The following GTF3C3 variants were observed in gnomAD, a reference collection of about 807,000 sequenced individuals.
The protein encoded by GTF3C3 is general transcription factor IIIC subunit 3.
Under a neutral mutation model 105.2 loss-of-function variants are expected in GTF3C3, and 75 were observed. The observed-to-expected ratio is 0.71, with a 90% CI of 0.59 to 0.86. GTF3C3 has a LOEUF of 0.86. Among genes scored for constraint, GTF3C3 ranks in the 40% least tolerant of loss-of-function variants. The pLI, the probability that GTF3C3 is intolerant of heterozygous loss-of-function variation, is 0.00. For synonymous variants in GTF3C3, 335 were observed against 370.4 expected (o/e 0.90, Z 1.10); for missense variants, 856 against 1,076.5 (o/e 0.80, Z 2.87).
At chr2:196,775,977 A>C (rs758100952) in intron 12 of GTF3C3, 33 bp downstream of exon 12, 1 of 984,136 alleles carries the variant, frequency 1.0e-6, no homozygotes, top group Non-Finnish European at 1.5e-6. Context: ...TAAAAAGTCA[A>C]CAAGGCTAAC....
rs749259675 is a variant in GTF3C3 at position 196,793,154 on chromosome 2, T to C, written c.215-2A>G. 1.9e-6 allele frequency: 3 copies of C among 1,593,320 alleles called. No homozygotes were observed. Among genetic ancestry groups the C allele is most frequent in the South Asian group, 2.3e-5 (2 of 88,742 alleles). ...TCCTCACTCCATCTGATGTTTCTCC[T>C]GAGAAAAGAGACATTGATGGGGGAG... On this transcript the variant is annotated splice_acceptor_variant, in intron 2 of 17. Transcript: ENST00000263956. LOFTEE classifies it high-confidence loss of function.
At chr2:196,768,261 C>T (rs1285364493) in intron 16 of GTF3C3, among the ~76,000 whole-genome samples, 1 of 152,162 alleles carries the variant, frequency 6.6e-6, no homozygotes, top group African/African-American at 2.4e-5. Context: ...TCAAGTGATC[C>T]ACCCGCCTCG....
chr2:196,789,317 A>C lies in GTF3C3; in HGVS notation c.780T>G (p.Leu260=), dbSNP rs1187943076. 6.2e-7 allele frequency: 1 copy of C among 1,613,106 alleles called. No individual in the cohort carries two copies. Among genetic ancestry groups the C allele is most frequent in the Non-Finnish European group, 8.5e-7 (1 of 1,179,578 alleles). ...NVRYLWERSS[L]YEQMGDHKMA... is the part of the protein sequence containing the mutation. ...TTTTATGATCACCCATCTGTTCATA[A>C]AGGCTTGATCGCTCCCACAGATAAC... is the stretch of plus-strand genomic sequence containing the variant. The change falls in exon 6 of 18, where the codon CTT becomes CTG. Residue 260 remains leucine, a synonymous_variant. Coordinates refer to ENST00000263956, the MANE Select transcript of GTF3C3 (RefSeq NM_012086.5).
At chr2:196,765,684 T>C (rs1439628586) in intron 17 of GTF3C3, among the ~76,000 whole-genome samples, 1 of 151,246 alleles carries the variant, frequency 6.6e-6, no homozygotes, top group Non-Finnish European at 1.5e-5. Flanking sequence ...CACTATAAAA[T>C]ATATATTCAT....
intron 12 of GTF3C3, 28 bp downstream of exon 12, chr2:196,775,982 G>C (rs1182156542): frequency 2.9e-6 from 3 of 1,019,258 alleles, no homozygotes; most frequent in Non-Finnish European, 4.4e-6. Context: ...AGTCAACAAG[G>C]CTAACATAAA....
rs1699584890 is a variant in GTF3C3 at position 196,793,259 on chromosome 2, G to A, written c.215-107C>T. 3 of 747,986 alleles carry A rather than the reference G, an allele frequency of 4.0e-6. No individual in the cohort carries two copies. The African/African-American group carries it at 5.3e-5, about 13-fold the overall frequency. The allele number at this position is 747,986 out of a possible 1,614,324, so 46.3% of individuals were successfully genotyped here. A position where few individuals can be genotyped will look rare whatever the true frequency, so the allele number is the denominator to read the frequency against. On this transcript the variant is annotated intron_variant, in intron 2 of 17. Coordinates refer to ENST00000263956, the MANE Select transcript of GTF3C3 (RefSeq NM_012086.5). Reference sequence around the variant, plus strand: ...TTTTTACCCCAGTAACACCAAATTTGAAAGTAAAAAATAGCAAATGAACAC... The same window carrying A: ...TTTTTACCCCAGTAACACCAAATTTAAAAGTAAAAAATAGCAAATGAACAC...
chr2:196,765,148 C>G (rs911538648), intron 17 of GTF3C3, among the ~76,000 whole-genome samples: 9 of 152,012 alleles, frequency 5.9e-5, no homozygotes, highest in African/African-American at 2.2e-4. Flanking sequence ...TATGCTATCA[C>G]GGAAAGGCAT....
rs1050975151 is a variant in GTF3C3 at position 196,763,946 on chromosome 2, A to G, written c.*617T>C. 2.0e-5 allele frequency: 3 copies of G among 152,196 alleles called. No homozygotes were observed. The highest frequency in any genetic ancestry group is 7.2e-5 in the African/African-American group (3 of 41,444). 9.4% of individuals were successfully genotyped at this position (152,196 alleles called of 1,614,324 possible). A position where few individuals can be genotyped will look rare whatever the true frequency, so the allele number is the denominator to read the frequency against. On this transcript the variant is annotated 3_prime_UTR_variant, in exon 18 of 18. Coordinates refer to ENST00000263956, the MANE Select transcript of GTF3C3 (RefSeq NM_012086.5). ...ATTTTTTCATCAGAAAGCCACAAAT[A>G]TAGATAAAGCATTTTTTTATTTGCC...
At chr2:196,799,274 T>C (rs1047487748) in intron 1 of GTF3C3, 111 of 477,720 alleles carry the variant, frequency 2.3e-4, no homozygotes, top group Middle Eastern at 1.1e-3. Flanking sequence ...AAACGTAGTA[T>C]TGGGGGAAAA....
At chr2:196,799,480 G>C in intron 1 of GTF3C3, 30 bp downstream of exon 1, 1 of 1,541,196 alleles carries the variant, frequency 6.5e-7, no homozygotes, top group Non-Finnish European at 9.0e-7. Context: ...CAACAAGAGT[G>C]AAGGGCACCG....
intron 13 of GTF3C3, chr2:196,773,563 G>T (rs1699213252): frequency 3.0e-6 from 1 of 334,238 alleles, no homozygotes; most frequent in Non-Finnish European, 6.2e-6. Flanking sequence ...CATGGGCCAG[G>T]GCTAAGAAGG....
intron 4 of GTF3C3, among the ~76,000 whole-genome samples, chr2:196,790,625 A>C (rs1367638734): frequency 1.3e-5 from 2 of 152,246 alleles, no homozygotes; most frequent in Non-Finnish European, 2.9e-5. Flanking sequence ...TAAAGGAACA[A>C]ATAATATTGG....
At chr2:196,793,513 T>G (rs1236883342) in intron 2 of GTF3C3, among the ~76,000 whole-genome samples, 2 of 152,048 alleles carry the variant, frequency 1.3e-5, no homozygotes, top group African/African-American at 4.8e-5. Flanking sequence ...ACGATAGTGG[T>G]TAAAAGTGAG....
At chr2:196,768,633 G>C (rs1699114941) in intron 16 of GTF3C3, among the ~76,000 whole-genome samples, 1 of 152,084 alleles carries the variant, frequency 6.6e-6, no homozygotes, top group Non-Finnish European at 1.5e-5. Flanking sequence ...CTGCTTCTCA[G>C]AAACTTTTTT....
intron 16 of GTF3C3, among the ~76,000 whole-genome samples, chr2:196,769,078 A>G (rs550227271): frequency 3.3e-5 from 5 of 152,312 alleles, no homozygotes; most frequent in African/African-American, 1.2e-4. Flanking sequence ...GGAAAAATTT[A>G]GAAGTTTTTG....
chr2:196,777,600 C>A (rs1699281239), intron 10 of GTF3C3: 1 of 152,176 alleles, frequency 6.6e-6, no homozygotes, highest in Non-Finnish European at 1.5e-5. Context: ...AAAGGAAGAA[C>A]ATTAATATGG....
At chr2:196,795,640 C>T (rs1459718972) in intron 2 of GTF3C3, among the ~76,000 whole-genome samples, 1 of 152,108 alleles carries the variant, frequency 6.6e-6, no homozygotes. Context: ...TCTTAGTCAA[C>T]TAAAAATGAA....
intron 8 of GTF3C3, among the ~76,000 whole-genome samples, chr2:196,783,159 C>G (rs1007082969): frequency 2.0e-4 from 31 of 151,846 alleles, no homozygotes; most frequent in African/African-American, 7.5e-4. Flanking sequence ...CACTAAGCTG[C>G]CAGATTTCAG....
chr2:196,775,173 ATAC>A lies in GTF3C3; in HGVS notation c.1771_1773del (p.Val591del). On this transcript the variant is annotated inframe_deletion, in exon 13 of 18. Coordinates refer to ENST00000263956, the MANE Select transcript of GTF3C3 (RefSeq NM_012086.5). ...TTGCTGTCTGATATTTTGTCTCTCGATACTTTAATAAGATAAAGATGCCTCTCT... is the reference window on the plus strand; with the variant it reads ...TTGCTGTCTGATATTTTGTCTCTCGATTTAATAAGATAAAGATGCCTCTCT... The A allele has an allele frequency of 6.2e-7, 1 of 1,613,258 alleles. No individual in the cohort carries two copies. Among genetic ancestry groups the A allele is most frequent in the Non-Finnish European group, 8.5e-7 (1 of 1,179,362 alleles).
Sources: gnomAD v4.1 joint callset for allele counts (sites outside exome capture counted in the v4.1 genomes callset) on GRCh38, gnomAD v4.1.1 for gene constraint, MANE v1.5 for transcripts, NCBI Gene and HGNC (gene_info 2026-07-23, HGNC 2026-07-21) for gene names.